Variants in IGFL2 observed in about 807,000 individuals in gnomAD.
IGFL2 encodes IGF like family member 2.
IGFL2 carries 7 observed loss-of-function variants against 13.9 expected under a neutral mutation model. The ratio of observed to expected loss-of-function variants is 0.51; its 90% CI spans 0.29 to 0.95. The LOEUF (loss-of-function observed/expected upper bound fraction) is 0.95, where lower values mean the gene tolerates loss of function less well. Ranked by LOEUF, IGFL2 falls within the 40% of genes least tolerant of loss-of-function variation. The pLI is 0.08. For synonymous variants in IGFL2, 55 were observed against 55.8 expected (o/e 0.99, Z 0.07); for missense variants, 138 against 147.8 (o/e 0.93, Z 0.34).
At chr19:46,193,315 T>C in the IGFL2 span, among the ~76,000 whole-genome samples, 1 of 152,226 alleles carries the variant, frequency 6.6e-6, no homozygotes, top group African/African-American at 2.4e-5. Context: ...TGAGTCATCC[T>C]TCGTGCAGCA....
At chr19:46,102,560 G>A in the IGFL2 span, among the ~76,000 whole-genome samples, 1 of 152,078 alleles carries the variant, frequency 6.6e-6, no homozygotes, top group Admixed American at 6.5e-5. Flanking sequence ...GGGCGGGGAG[G>A]GTGTATTGTC....
the IGFL2 span, among the ~76,000 whole-genome samples, chr19:46,095,890 G>C: frequency 2.0e-5 from 3 of 152,098 alleles, no homozygotes; most frequent in African/African-American, 7.2e-5. Flanking sequence ...ATTGGTCTGT[G>C]TGTCTGTTTT....
At position 46,149,911 on chromosome 19, in the gene IGFL2, C is replaced by T. The variant is rs530305071; in HGVS notation, c.19+1614C>T. 2.2e-4 allele frequency among the ~76,000 whole-genome samples: 33 copies of T among 152,250 alleles called. No individual in the cohort carries two copies. The South Asian group carries it at 2.5e-3, about 11-fold the overall frequency. ...TGTACACATAGGAGTGGAATTGCTA[C>T]GCCACATGGTAATTCTGTTTAACTT... On this transcript the variant is annotated intron_variant, in intron 1 of 3. Transcript: ENST00000377693.
chr19:46,212,387 C>T, the IGFL2 span: 1 of 152,246 alleles, frequency 6.6e-6, no homozygotes, highest in Non-Finnish European at 1.5e-5. Flanking sequence ...ACATCCCCTG[C>T]TGGGAATAAC....
At chr19:46,086,649 C>A in the IGFL2 span, among the ~76,000 whole-genome samples, 1 of 152,182 alleles carries the variant, frequency 6.6e-6, no homozygotes, top group Admixed American at 6.5e-5. Context: ...TGATTGGGAT[C>A]TGTTGCTAGT....
the IGFL2 span, among the ~76,000 whole-genome samples, chr19:46,200,126 A>G: frequency 2.0e-5 from 3 of 152,058 alleles, no homozygotes; most frequent in Non-Finnish European, 4.4e-5. Flanking sequence ...TGCTGGGATT[A>G]CAGGTGTGAG....
the IGFL2 span, among the ~76,000 whole-genome samples, chr19:46,120,993 T>A: frequency 1.3e-5 from 2 of 150,804 alleles, no homozygotes; most frequent in Non-Finnish European, 2.9e-5. Context: ...TTATTTTTAA[T>A]TCATATCCAA....
the IGFL2 span, among the ~76,000 whole-genome samples, chr19:46,211,862 T>G: frequency 6.6e-6 from 1 of 152,006 alleles, no homozygotes; most frequent in African/African-American, 2.4e-5. Flanking sequence ...TCCTGGAATG[T>G]GAAACCTCTG....
At chr19:46,124,313 A>C in the IGFL2 span, 8 of 1,610,248 alleles carry the variant, frequency 5.0e-6, no homozygotes, top group Non-Finnish European at 6.8e-6. Flanking sequence ...GTTATCCAGC[A>C]GACAAGAGCT....
the IGFL2 span, among the ~76,000 whole-genome samples, chr19:46,169,560 A>G: frequency 6.6e-6 from 1 of 152,210 alleles, no homozygotes; most frequent in Non-Finnish European, 1.5e-5. Flanking sequence ...TTGTATGAGA[A>G]TATGGGTGAG....
chr19:46,117,809 G>C, the IGFL2 span, among the ~76,000 whole-genome samples: 2 of 152,146 alleles, frequency 1.3e-5, no homozygotes, highest in African/African-American at 4.8e-5. Flanking sequence ...AATGAATCTT[G>C]CTTGGGACTA....
chr19:46,189,015 A>G, the IGFL2 span, among the ~76,000 whole-genome samples: 4 of 152,260 alleles, frequency 2.6e-5, no homozygotes, highest in Middle Eastern at 3.4e-3. Context: ...AAATAAAGAC[A>G]CAAGACCAAG....
At chr19:46,094,532 T>C in the IGFL2 span, among the ~76,000 whole-genome samples, 1 of 152,080 alleles carries the variant, frequency 6.6e-6, no homozygotes, top group Non-Finnish European at 1.5e-5. Context: ...TTAAATTTTA[T>C]TGTATTTTAA....
At chr19:46,110,239 A>T in the IGFL2 span, among the ~76,000 whole-genome samples, 1 of 152,196 alleles carries the variant, frequency 6.6e-6, no homozygotes, top group Non-Finnish European at 1.5e-5. Context: ...ACTCAGAAGA[A>T]GGTGTATAAG....
At chr19:46,090,603 A>G in the IGFL2 span, among the ~76,000 whole-genome samples, 1 of 152,228 alleles carries the variant, frequency 6.6e-6, no homozygotes, top group African/African-American at 2.4e-5. Flanking sequence ...AGGGTGACCT[A>G]TGCTGGTACG....
chr19:46,098,880 A>G, the IGFL2 span, among the ~76,000 whole-genome samples: 1,354 of 152,214 alleles, frequency 8.9e-3, 24 homozygotes, highest in African/African-American at 0.031. Context: ...CTAGCTGGTT[A>G]TTTTGCAGAC....
the IGFL2 span, among the ~76,000 whole-genome samples, chr19:46,088,472 A>G: frequency 2.0e-5 from 3 of 152,226 alleles, no homozygotes; most frequent in Non-Finnish European, 2.9e-5. Context: ...CAATTGTAAC[A>G]TATATATTTA....
chr19:46,148,916 C>T (rs1243002537), intron 1 of IGFL2: 13 of 1,552,338 alleles, frequency 8.4e-6, no homozygotes, highest in African/African-American at 1.4e-5. Context: ...ATCCTGCCCT[C>T]GAACCAGACC....
the IGFL2 span, among the ~76,000 whole-genome samples, chr19:46,115,465 A>G: frequency 2.6e-5 from 4 of 152,208 alleles, no homozygotes; most frequent in South Asian, 4.1e-4. Flanking sequence ...TGTTGAGGGA[A>G]GTAGCAGTTC....
Sources: gnomAD v4.1 joint callset for allele counts (sites outside exome capture counted in the v4.1 genomes callset) on GRCh38, gnomAD v4.1.1 for gene constraint, MANE v1.5 for transcripts, NCBI Gene and HGNC (gene_info 2026-07-23, HGNC 2026-07-21) for gene names.